The following NCALD variants were observed in gnomAD, a reference collection of about 807,000 sequenced individuals.
The protein encoded by NCALD is neurocalcin-delta.
A neutral mutation model predicts 18.6 loss-of-function variants in NCALD; 10 were observed. The observed-to-expected ratio is 0.54, with a 90% CI of 0.33 to 0.91. The LOEUF (loss-of-function observed/expected upper bound fraction) is 0.91. Ranked by LOEUF, NCALD falls within the 40% of genes least tolerant of loss-of-function variation. The pLI is 0.03. For missense variants in NCALD, 184 were observed against 247.6 expected (o/e 0.74, Z 1.72); for synonymous variants, 88 against 87.4 (o/e 1.01, Z -0.04).
At position 101,719,251 on chromosome 8, in the gene NCALD, C is replaced by A. The variant is rs1263339038; in HGVS notation, c.378+1G>T. ...TTTTTTAAAGGGCTCAGTCTACGTA[C>A]CTGCACGATCTCTAGCATCTCTGCC... On this transcript the variant is annotated splice_donor_variant, in intron 2 of 3. Transcript: ENST00000220931. LOFTEE classifies it high-confidence loss of function. 6.2e-7 allele frequency: 1 copy of A among 1,612,802 alleles called. No individual in the cohort carries two copies. The highest frequency in any genetic ancestry group is 8.5e-7 in the Non-Finnish European group (1 of 1,179,456).
At chr8:101,769,421 A>G (rs576091069) in intron 1 of NCALD, among the ~76,000 whole-genome samples, 2 of 152,270 alleles carry the variant, frequency 1.3e-5, no homozygotes, top group East Asian at 3.9e-4. Flanking sequence ...ATGAATTATA[A>G]TATACTACCT....
intron 1 of NCALD, among the ~76,000 whole-genome samples, chr8:101,737,563 A>C (rs1488488295): frequency 2.0e-5 from 3 of 152,202 alleles, no homozygotes; most frequent in Non-Finnish European, 4.4e-5. Flanking sequence ...CCCTAGCTTG[A>C]CCTTGACAAG....
At chr8:101,853,835 TCCC>T (rs1042091112) in intron 4 of NCALD, among the ~76,000 whole-genome samples, 5 of 152,096 alleles carry the variant, frequency 3.3e-5, no homozygotes, top group African/African-American at 9.6e-5. Flanking sequence ...GGGACCCTGC[TCCC>T]CCCATTTCCA....
intron 1 of NCALD, among the ~76,000 whole-genome samples, chr8:101,733,823 A>G (rs891942126): frequency 6.6e-6 from 1 of 152,096 alleles, no homozygotes; most frequent in African/African-American, 2.4e-5. Flanking sequence ...GGACTGCCAG[A>G]CCCCCACTGA....
chr8:101,995,582 C>A (rs1333784386), intron 2 of NCALD, among the ~76,000 whole-genome samples: 1 of 152,070 alleles, frequency 6.6e-6, no homozygotes, highest in Non-Finnish European at 1.5e-5. Flanking sequence ...CACTTTTATA[C>A]AACCAGATCT....
chr8:102,050,684 T>TA (rs1491486657), intron 1 of NCALD, among the ~76,000 whole-genome samples: 81 of 147,528 alleles, frequency 5.5e-4, no homozygotes, highest in Middle Eastern at 7.2e-3. Context: ...TTCTACCATT[T>TA]ATGTTTGTAT....
chr8:102,050,873 T>A (rs1373468947), intron 1 of NCALD, among the ~76,000 whole-genome samples: 1 of 146,914 alleles, frequency 6.8e-6, no homozygotes, highest in Admixed American at 6.8e-5. Context: ...AATTAATTTT[T>A]AATTTAATTG....
chr8:101,692,398 G>C, intron 3 of NCALD: 1 of 985,374 alleles, frequency 1.0e-6, no homozygotes, highest in Non-Finnish European at 1.2e-6. Context: ...CGGCATCTGG[G>C]TAGGATCACA....
chr8:101,925,931 G>A (rs1459847212), intron 2 of NCALD, among the ~76,000 whole-genome samples: 5 of 152,190 alleles, frequency 3.3e-5, no homozygotes, highest in Admixed American at 2.6e-4. Flanking sequence ...TCAGGCAAGA[G>A]ACGTTCACTG....
chr8:101,734,664 C>A (rs1816994934), intron 1 of NCALD, among the ~76,000 whole-genome samples: 1 of 152,160 alleles, frequency 6.6e-6, no homozygotes, highest in Non-Finnish European at 1.5e-5. Context: ...GCTCTAGTTG[C>A]AAGGGATATA....
intron 1 of NCALD, among the ~76,000 whole-genome samples, chr8:102,025,626 A>C (rs1344283847): frequency 1.3e-5 from 2 of 152,214 alleles, no homozygotes; most frequent in African/African-American, 4.8e-5. Flanking sequence ...AACAGAATTA[A>C]ATTGGAGCAC....
intron 4 of NCALD, among the ~76,000 whole-genome samples, chr8:101,813,727 T>C (rs889534713): frequency 2.6e-5 from 4 of 151,840 alleles, no homozygotes; most frequent in African/African-American, 9.7e-5. Flanking sequence ...CCTCAGAAAA[T>C]AGAACATCTG....
At chr8:101,833,240 A>C (rs767037345) in intron 4 of NCALD, among the ~76,000 whole-genome samples, 1 of 152,176 alleles carries the variant, frequency 6.6e-6, no homozygotes, top group Non-Finnish European at 1.5e-5. Context: ...TATTCAATAG[A>C]TTTTGGGAGA....
At chr8:101,859,855 A>T (rs940856405) in intron 4 of NCALD, among the ~76,000 whole-genome samples, 16 of 152,188 alleles carry the variant, frequency 1.1e-4, no homozygotes, top group South Asian at 2.1e-4. Flanking sequence ...AAAGGGTATG[A>T]GTTTCCAGAC....
chr8:102,103,470 G>A (rs1468468414), intron 1 of NCALD, among the ~76,000 whole-genome samples: 1 of 152,148 alleles, frequency 6.6e-6, no homozygotes. Context: ...CCATAGTGAC[G>A]CAGCTAGCAA....
chr8:101,748,910 G>A (rs1008174373), intron 1 of NCALD, among the ~76,000 whole-genome samples: 1 of 152,204 alleles, frequency 6.6e-6, no homozygotes, highest in Non-Finnish European at 1.5e-5. Context: ...GCCAGGGGGT[G>A]TGTGAGGTTT....
At chr8:102,035,633 T>C (rs1268340478) in intron 1 of NCALD, among the ~76,000 whole-genome samples, 1 of 152,110 alleles carries the variant, frequency 6.6e-6, no homozygotes, top group Non-Finnish European at 1.5e-5. Context: ...AAAATGAATA[T>C]TCTTCCACAT....
intron 1 of NCALD, among the ~76,000 whole-genome samples, chr8:101,786,206 G>A (rs959251404): frequency 3.9e-5 from 6 of 152,162 alleles, no homozygotes; most frequent in African/African-American, 1.4e-4. Context: ...CACGTAGTAT[G>A]TGCTCAAAAT....
chr8:101,719,361 C>T lies in NCALD; in HGVS notation c.269G>A (p.Ser90Asn). 6.2e-7 allele frequency: 1 copy of T among 1,614,240 alleles called. No homozygotes were observed. The highest frequency in any genetic ancestry group is 8.5e-7 in the Non-Finnish European group (1 of 1,180,054). Residue 90 changes from serine to asparagine, a missense_variant, in exon 2 of 4, where the codon AGT becomes AAT. Ser to Asn is a conservative substitution (Grantham distance 46). Coordinates refer to ENST00000220931, the MANE Select transcript of NCALD (RefSeq NM_032041.3). ...IDFREFIIALSVTSRGKLEQK... is the reference protein window; with the variant it reads ...IDFREFIIALNVTSRGKLEQK... ...CTCCAGCTTCCCCCTCGAAGTTACA[C>T]TCAAGGCGATGATGAATTCTCTAAA...
Sources: gnomAD v4.1 joint callset for allele counts (sites outside exome capture counted in the v4.1 genomes callset) on GRCh38, gnomAD v4.1.1 for gene constraint, MANE v1.5 for transcripts, NCBI Gene and HGNC (gene_info 2026-07-23, HGNC 2026-07-21) for gene names.